The following CDH12 variants were observed in gnomAD, a reference collection of about 807,000 sequenced individuals.
The protein encoded by CDH12 is cadherin 12.
Under a neutral mutation model 74.1 loss-of-function variants are expected in CDH12, and 41 were observed. The ratio of observed to expected loss-of-function variants is 0.55; its 90% CI spans 0.43 to 0.72. The LOEUF is 0.72. Among genes scored for constraint, CDH12 ranks in the 30% least tolerant of loss-of-function variants. The pLI, the probability that CDH12 is intolerant of heterozygous loss-of-function variation, is 0.00. For missense variants in CDH12, 945 were observed against 977.2 expected (o/e 0.97, Z 0.44); for synonymous variants, 399 against 355.0 (o/e 1.12, Z -1.39).
intron 1 of CDH12, among the ~76,000 whole-genome samples, chr5:22,570,328 C>T (rs1322820831): frequency 6.6e-6 from 1 of 152,096 alleles, no homozygotes; most frequent in Non-Finnish European, 1.5e-5. Context: ...GGATTACAGG[C>T]ATGAGCCACT....
At chr5:22,456,107 T>TTATATATA (rs36020133) in intron 2 of CDH12, among the ~76,000 whole-genome samples, 7 of 147,888 alleles carry the variant, frequency 4.7e-5, no homozygotes, top group South Asian at 4.3e-4. Flanking sequence ...CATGTGGATA[T>TTATATATA]TATATATATA....
At chr5:22,109,830 C>T (rs369662650) in intron 4 of CDH12, among the ~76,000 whole-genome samples, 7 of 152,184 alleles carry the variant, frequency 4.6e-5, no homozygotes, top group South Asian at 2.1e-4. Flanking sequence ...TGACATAAGA[C>T]AGATTAGCAG....
chr5:22,697,462 C>T (rs1742433057), intron 1 of CDH12, among the ~76,000 whole-genome samples: 1 of 151,000 alleles, frequency 6.6e-6, no homozygotes, highest in South Asian at 2.1e-4. Context: ...GTCCCAGCTA[C>T]TCGGGAGGCT....
intron 3 of CDH12, among the ~76,000 whole-genome samples, chr5:22,360,832 C>T (rs996254433): frequency 1.3e-5 from 2 of 152,296 alleles, no homozygotes; most frequent in South Asian, 2.1e-4. Flanking sequence ...ACAAAAACCA[C>T]ATGATTATCT....
chr5:22,524,269 G>C (rs1418562792), intron 1 of CDH12, among the ~76,000 whole-genome samples: 1 of 152,114 alleles, frequency 6.6e-6, no homozygotes, highest in Non-Finnish European at 1.5e-5. Context: ...TTATAGGTGT[G>C]AGACACTGCA....
chr5:22,080,663 C>T (rs1742662175), intron 4 of CDH12, among the ~76,000 whole-genome samples: 1 of 152,010 alleles, frequency 6.6e-6, no homozygotes, highest in African/African-American at 2.4e-5. Context: ...TGTTGAATTT[C>T]AAAGACAGTA....
At chr5:22,391,755 C>A (rs993513169) in intron 3 of CDH12, among the ~76,000 whole-genome samples, 1 of 151,956 alleles carries the variant, frequency 6.6e-6, no homozygotes, top group South Asian at 2.1e-4. Context: ...TTTATCTTAT[C>A]AATATCATGG....
At chr5:22,162,890 A>ATTTTTTTTTTTTTTTTTTTTTTTTT (rs1561178332) in intron 4 of CDH12, among the ~76,000 whole-genome samples, 1 of 100,174 alleles carries the variant, frequency 1.0e-5, no homozygotes, top group African/African-American at 3.6e-5. Flanking sequence ...CTTCCCTCTG[A>ATTTTTTTTTTTTTTTTTTTTTTTTT]CTTTTTTTTT....
intron 6 of CDH12, chr5:21,883,797 G>T: frequency 1.9e-6 from 3 of 1,583,326 alleles, no homozygotes; most frequent in South Asian, 2.2e-5. Context: ...TGGAGTAGTT[G>T]TGCTGAAGTT....
At chr5:22,520,870 G>A (rs188214504) in intron 1 of CDH12, among the ~76,000 whole-genome samples, 6 of 152,094 alleles carry the variant, frequency 3.9e-5, no homozygotes, top group Non-Finnish European at 5.9e-5. Context: ...TTAGTTACAC[G>A]TAAGTATATT....
intron 3 of CDH12, among the ~76,000 whole-genome samples, chr5:22,353,256 G>A (rs993539184): frequency 7.2e-5 from 11 of 152,080 alleles, no homozygotes; most frequent in African/African-American, 2.7e-4. Flanking sequence ...AAGTTTTTAG[G>A]AATAAATTAA....
rs535709698 is a variant in CDH12 at position 22,345,005 on chromosome 5, A to C, written c.-333+60252T>G. Among the ~76,000 whole-genome samples the C allele has an allele frequency of 2.6e-5, 4 of 152,320 alleles. No individual in the cohort carries two copies. In the South Asian group the frequency reaches 8.3e-4, roughly 32 times the overall value. On this transcript the variant is annotated intron_variant, in intron 3 of 14. Transcript: ENST00000382254. ...AAGGTGAGCCATTTCTGTAATTGGC[A>C]TACATTTCAAAACTGCCCGTGTTCT...
intron 1 of CDH12, among the ~76,000 whole-genome samples, chr5:22,619,981 T>C (rs1737890314): frequency 6.6e-6 from 1 of 152,148 alleles, no homozygotes; most frequent in African/African-American, 2.4e-5. Flanking sequence ...TCAATACAGA[T>C]ATTGAATGCC....
At chr5:21,850,743 A>G (rs1008185348) in intron 7 of CDH12, among the ~76,000 whole-genome samples, 1 of 151,508 alleles carries the variant, frequency 6.6e-6, no homozygotes, top group African/African-American at 2.4e-5. Context: ...CCTTAAGCAG[A>G]ATTTAGAACA....
chr5:22,381,017 A>AT (rs1233465843), intron 3 of CDH12, among the ~76,000 whole-genome samples: 3 of 152,050 alleles, frequency 2.0e-5, no homozygotes, highest in African/African-American at 4.8e-5. Flanking sequence ...TGAGTTGCCT[A>AT]TTTTTTTCTC....
intron 3 of CDH12, among the ~76,000 whole-genome samples, chr5:22,369,695 C>T (rs918468892): frequency 1.3e-5 from 2 of 152,134 alleles, no homozygotes; most frequent in African/African-American, 4.8e-5. Flanking sequence ...ATCTTTTAAG[C>T]TCTTCGAACA....
chr5:22,554,777 T>A lies in CDH12; in HGVS notation c.-522-49413A>T, dbSNP rs1738727225. ...CTGCATACAGATATTATCTTCTTATTTTACATATCTATGGCTGTGATATGA... is the reference window on the plus strand; with the variant it reads ...CTGCATACAGATATTATCTTCTTATATTACATATCTATGGCTGTGATATGA... On this transcript the variant is annotated intron_variant, in intron 1 of 14. Transcript: ENST00000382254. Among the ~76,000 whole-genome samples the A allele has an allele frequency of 2.0e-5, 3 of 152,140 alleles. No individual in the cohort carries two copies. In the South Asian group the frequency reaches 6.2e-4, roughly 31 times the overall value.
intron 4 of CDH12, among the ~76,000 whole-genome samples, chr5:22,104,844 T>C (rs542875179): frequency 1.3e-5 from 2 of 152,286 alleles, no homozygotes; most frequent in Admixed American, 1.3e-4. Context: ...AGGGCTGCCA[T>C]AAAAATTTTA....
intron 1 of CDH12, among the ~76,000 whole-genome samples, chr5:22,840,344 G>A (rs1424929998): frequency 1.3e-5 from 2 of 151,828 alleles, no homozygotes; most frequent in East Asian, 1.9e-4. Context: ...GGATGGTCTC[G>A]ATCTCCTGAC....
Sources: gnomAD v4.1 joint callset for allele counts (sites outside exome capture counted in the v4.1 genomes callset) on GRCh38, gnomAD v4.1.1 for gene constraint, MANE v1.5 for transcripts, NCBI Gene and HGNC (gene_info 2026-07-23, HGNC 2026-07-21) for gene names.